Variants in REDIC1 observed in about 807,000 individuals in gnomAD.
REDIC1 encodes regulator of DNA class I crossover intermediates 1, also known as HEI10 Interacting Protein 1.
chr12:39,907,752 T>C, the REDIC1 span: 19 of 152,138 alleles, frequency 1.2e-4, no homozygotes, highest in African/African-American at 4.1e-4. Flanking sequence ...GGAAAGTATG[T>C]GGATTGGACA....
At chr12:39,799,126 C>A in the REDIC1 span, among the ~76,000 whole-genome samples, 1 of 146,652 alleles carries the variant, frequency 6.8e-6, no homozygotes, top group African/African-American at 2.5e-5. Context: ...GTCTCCCAGG[C>A]TGCTAGAGTG....
chr12:39,771,704 T>TATCA, the REDIC1 span, among the ~76,000 whole-genome samples: 1 of 152,086 alleles, frequency 6.6e-6, no homozygotes, highest in Non-Finnish European at 1.5e-5. Context: ...TTCCTGCTCC[T>TATCA]ATCATTCCTT....
At chr12:39,711,868 C>CATGTGTATATGT in the REDIC1 span, among the ~76,000 whole-genome samples, 178 of 56,900 alleles carry the variant, frequency 3.1e-3, no homozygotes, top group Non-Finnish European at 4.4e-3. Context: ...TGTGTATACA[C>CATGTGTATATGT]GTATACACAT....
chr12:39,640,383 T>C, the REDIC1 span, among the ~76,000 whole-genome samples: 2 of 151,922 alleles, frequency 1.3e-5, no homozygotes, highest in Non-Finnish European at 2.9e-5. Flanking sequence ...GAGGAATAAA[T>C]TTCTCTTCTT....
the REDIC1 span, among the ~76,000 whole-genome samples, chr12:39,710,178 T>A: frequency 6.6e-6 from 1 of 151,840 alleles, no homozygotes; most frequent in Admixed American, 6.6e-5. Flanking sequence ...TCTGTTCTTT[T>A]AAAAAAATTT....
the REDIC1 span, among the ~76,000 whole-genome samples, chr12:39,702,099 C>T: frequency 6.6e-6 from 1 of 151,928 alleles, no homozygotes; most frequent in African/African-American, 2.4e-5. Context: ...CAGAGCAGAA[C>T]TGAAGGAAAT....
chr12:39,699,450 A>C, the REDIC1 span, among the ~76,000 whole-genome samples: 4 of 152,178 alleles, frequency 2.6e-5, no homozygotes, highest in Admixed American at 2.6e-4. Context: ...AGAGGGTCCT[A>C]CGCCCAGGGA....
the REDIC1 span, among the ~76,000 whole-genome samples, chr12:39,656,977 G>A: frequency 1.4e-4 from 22 of 152,106 alleles, no homozygotes; most frequent in Non-Finnish European, 2.9e-5. Flanking sequence ...GTAAGATAAG[G>A]TTAATTTATT....
chr12:39,705,626 A>G, the REDIC1 span, among the ~76,000 whole-genome samples: 1 of 152,130 alleles, frequency 6.6e-6, no homozygotes, highest in Admixed American at 6.6e-5. Context: ...ACCAAGTGGG[A>G]TTTATCCCTG....
At chr12:39,786,894 A>G in the REDIC1 span, among the ~76,000 whole-genome samples, 1 of 152,314 alleles carries the variant, frequency 6.6e-6, no homozygotes. Context: ...TTCTTTGTCC[A>G]CTTACCTTTG....
the REDIC1 span, chr12:39,720,753 A>T: frequency 2.3e-5 from 34 of 1,479,506 alleles, no homozygotes; most frequent in Admixed American, 3.9e-5. Context: ...AAATGTAAGC[A>T]TGGTTTAGAG....
chr12:39,693,747 A>C, the REDIC1 span, among the ~76,000 whole-genome samples: 1 of 152,166 alleles, frequency 6.6e-6, no homozygotes, highest in South Asian at 2.1e-4. Flanking sequence ...CAAATACTGT[A>C]AGTGAACAAT....
the REDIC1 span, among the ~76,000 whole-genome samples, chr12:39,719,326 A>C: frequency 1.3e-5 from 2 of 152,148 alleles, no homozygotes; most frequent in African/African-American, 4.8e-5. Context: ...TTTATGAACA[A>C]AGATAAGAAA....
At chr12:39,690,281 T>G in the REDIC1 span, among the ~76,000 whole-genome samples, 1 of 152,170 alleles carries the variant, frequency 6.6e-6, no homozygotes, top group African/African-American at 2.4e-5. Flanking sequence ...GAGCCTTTGA[T>G]GGGAGTGGGA....
chr12:39,833,867 C>T, the REDIC1 span, among the ~76,000 whole-genome samples: 1 of 148,770 alleles, frequency 6.7e-6, no homozygotes, highest in African/African-American at 2.5e-5. Flanking sequence ...ATCTTTTCCA[C>T]ACTTTTGCCT....
chr12:39,795,733 CAT>C, the REDIC1 span, among the ~76,000 whole-genome samples: 336 of 152,280 alleles, frequency 2.2e-3, 1 homozygote, highest in African/African-American at 7.7e-3. Context: ...GCACGGGAAA[CAT>C]AAAGTCAGGC....
chr12:39,626,345 G>T, the REDIC1 span: 1 of 1,614,160 alleles, frequency 6.2e-7, no homozygotes, highest in Admixed American at 1.7e-5. Flanking sequence ...AGATGAATTG[G>T]GTCGGGGGGT....
At chr12:39,898,496 C>T in the REDIC1 span, among the ~76,000 whole-genome samples, 19 of 112,356 alleles carry the variant, frequency 1.7e-4, no homozygotes, top group Admixed American at 7.3e-4. Context: ...ATAGTAGCCA[C>T]GCTTTTCCCC....
chr12:39,632,186 T>G, the REDIC1 span, among the ~76,000 whole-genome samples: 1 of 152,094 alleles, frequency 6.6e-6, no homozygotes, highest in African/African-American at 2.4e-5. Flanking sequence ...AACTTCCAAC[T>G]CCCAGGTTCA....
Sources: allele counts gnomAD v4.1 joint callset (sites outside exome capture counted in the v4.1 genomes callset), GRCh38; gene constraint gnomAD v4.1.1; transcripts MANE v1.5; gene names NCBI Gene and HGNC (gene_info 2026-07-23, HGNC 2026-07-21).